Variants in GRAP2 observed in about 807,000 individuals in gnomAD.
GRAP2 encodes the protein GRB2-related adapter protein 2.
A neutral mutation model predicts 43.5 loss-of-function variants in GRAP2; 31 were observed. The ratio of observed to expected loss-of-function variants is 0.71; its 90% CI spans 0.54 to 0.96. The LOEUF is 0.96. Among genes scored for constraint, GRAP2 ranks in the 40% least tolerant of loss-of-function variants. The pLI is 0.00. For missense variants in GRAP2, 371 were observed against 424.4 expected (o/e 0.87, Z 1.11); for synonymous variants, 156 against 164.8 (o/e 0.95, Z 0.41).
At chr22:39,962,747 T>G (rs2067132754) in intron 4 of GRAP2, among the ~76,000 whole-genome samples, 1 of 152,024 alleles carries the variant, frequency 6.6e-6, no homozygotes, top group African/African-American at 2.4e-5. Context: ...AACCTCCGCC[T>G]CCCAGGTTCA....
chr22:39,949,337 C>T (rs2066957614), intron 2 of GRAP2, among the ~76,000 whole-genome samples: 1 of 152,186 alleles, frequency 6.6e-6, no homozygotes, highest in Admixed American at 6.5e-5. Context: ...GGTTTGCAGG[C>T]ATGATTTCAT....
At chr22:39,938,376 C>T (rs2066829154) in intron 1 of GRAP2, among the ~76,000 whole-genome samples, 2 of 152,214 alleles carry the variant, frequency 1.3e-5, no homozygotes. Context: ...GTCCATACGT[C>T]TGAAAAATAC....
At chr22:39,937,979 A>C (rs1480573163) in intron 1 of GRAP2, among the ~76,000 whole-genome samples, 1 of 152,226 alleles carries the variant, frequency 6.6e-6, no homozygotes, top group Non-Finnish European at 1.5e-5. Flanking sequence ...TGCGTCTTGC[A>C]CTAAAAAAAA....
chr22:39,913,500 C>T (rs939228767), intron 1 of GRAP2, among the ~76,000 whole-genome samples: 4 of 152,140 alleles, frequency 2.6e-5, no homozygotes, highest in African/African-American at 7.2e-5. Flanking sequence ...CAGGCATGAC[C>T]GATGCTGAGT....
chr22:39,936,706 GAGAC>G (rs898107982), intron 1 of GRAP2, among the ~76,000 whole-genome samples: 17 of 152,022 alleles, frequency 1.1e-4, no homozygotes, highest in Non-Finnish European at 7.4e-5. Flanking sequence ...GGAAGAGAGA[GAGAC>G]AGGGTGGTGG....
Position 39,938,111 on chromosome 22 carries a change from G to A in GRAP2, c.-14-8982G>A, listed in dbSNP as rs150798700. On this transcript the variant is annotated intron_variant, in intron 1 of 7. Coordinates refer to ENST00000344138, the MANE Select transcript of GRAP2 (RefSeq NM_004810.4). ...ATCACCCAAGTTACAGGCAGGGGAG[G>A]GGATAGGCCCTGCATGGGGACAGTC... Among the ~76,000 whole-genome samples, 358 of 152,300 alleles carry A rather than the reference G, an allele frequency of 2.4e-3. 3 individuals carry two copies. The highest frequency in any genetic ancestry group is 8.1e-3 in the South Asian group (39 of 4,832).
rs542496913 is a variant in GRAP2 at position 39,931,779 on chromosome 22, G to A, written c.-14-15314G>A. ...AAGATTTCTGCTTTACCACAAATAC[G>A]GACTTCAAGAAAAATTCCCTTATAA... On this transcript the variant is annotated intron_variant, in intron 1 of 7. Transcript: ENST00000344138. Among the ~76,000 whole-genome samples the A allele has an allele frequency of 6.6e-5, 10 of 152,188 alleles. No individual in the cohort carries two copies. In the South Asian group the frequency reaches 2.1e-3, roughly 32 times the overall value.
intron 1 of GRAP2, chr22:39,926,769 A>T: frequency 1.5e-5 from 15 of 985,232 alleles, no homozygotes; most frequent in Non-Finnish European, 1.8e-5. Context: ...GCTTTGCCTG[A>T]TAGAGAGACA....
At chr22:39,945,632 T>C (rs1474691304) in intron 1 of GRAP2, among the ~76,000 whole-genome samples, 1 of 152,202 alleles carries the variant, frequency 6.6e-6, no homozygotes, top group Non-Finnish European at 1.5e-5. Context: ...TTCAAGATTG[T>C]CCTGACAGTT....
chr22:39,960,023 C>T lies in GRAP2; in HGVS notation c.171-32C>T, dbSNP rs535899337. The T allele has an allele frequency of 3.9e-5, 63 of 1,611,406 alleles. 1 individual carries two copies. In the South Asian group the frequency reaches 6.2e-4, roughly 16 times the overall value. On this transcript the variant is annotated intron_variant, in intron 3 of 7. Transcript: ENST00000344138. Reference sequence around the variant, plus strand: ...CCCTCTTGTCACTCCTGTGTCTCATCCTGATCCTTTTGTTTGATCTCGCCC... The same window carrying T: ...CCCTCTTGTCACTCCTGTGTCTCATTCTGATCCTTTTGTTTGATCTCGCCC...
intron 1 of GRAP2, among the ~76,000 whole-genome samples, chr22:39,940,027 C>T (rs527571751): frequency 1.3e-5 from 2 of 152,306 alleles, no homozygotes; most frequent in African/African-American, 4.8e-5. Context: ...TTGGTTGTAG[C>T]TGCCATGATT....
chr22:39,929,324 G>A (rs1415057989), intron 1 of GRAP2, among the ~76,000 whole-genome samples: 7 of 152,174 alleles, frequency 4.6e-5, no homozygotes, highest in Non-Finnish European at 1.0e-4. Context: ...TGAAAAAGGA[G>A]TGTTCATCTT....
intron 1 of GRAP2, among the ~76,000 whole-genome samples, chr22:39,902,535 A>C (rs781346421): frequency 2.0e-5 from 3 of 152,150 alleles, no homozygotes; most frequent in African/African-American, 7.2e-5. Context: ...TGTAAAAGAG[A>C]GGTGGCCCTA....
rs185628760 is a variant in GRAP2 at position 39,903,089 on chromosome 22, A to G, written c.-15+1759A>G. On this transcript the variant is annotated intron_variant, in intron 1 of 7. Transcript: ENST00000344138. ...AGGGTTCATGCCTAAGCTTGAGTAGAACTTGCCCTTTTTTCCTGGGTCAAG... is the reference window on the plus strand; with the variant it reads ...AGGGTTCATGCCTAAGCTTGAGTAGGACTTGCCCTTTTTTCCTGGGTCAAG... Among the ~76,000 whole-genome samples, 89 of 152,302 alleles carry G rather than the reference A, an allele frequency of 5.8e-4. No individual in the cohort carries two copies. In the East Asian group the frequency reaches 0.016, roughly 28 times the overall value.
At chr22:39,899,395 C>G (rs1315896895), upstream of GRAP2, among the ~76,000 whole-genome samples, 1 of 152,144 alleles carries the variant, frequency 6.6e-6, no homozygotes, top group Non-Finnish European at 1.5e-5. Context: ...ACTCCTTTAA[C>G]CATTTCAAAA....
chr22:39,921,589 A>T (rs2066652871), intron 1 of GRAP2, among the ~76,000 whole-genome samples: 1 of 152,200 alleles, frequency 6.6e-6, no homozygotes, highest in African/African-American at 2.4e-5. Context: ...TTTTATTAAA[A>T]ACCATTATTA....
chr22:39,964,677 C>A, intron 4 of GRAP2: 2 of 489,654 alleles, frequency 4.1e-6, no homozygotes, highest in South Asian at 5.6e-5. Context: ...AATTAAGTGT[C>A]GTCTTGGAGC....
intron 1 of GRAP2, among the ~76,000 whole-genome samples, chr22:39,937,011 G>A (rs571377905): frequency 2.7e-4 from 41 of 152,326 alleles, no homozygotes; most frequent in Admixed American, 2.0e-3. Flanking sequence ...TATGTTGCTC[G>A]TAGCAGGAGA....
At chr22:39,901,926 G>A (rs986060022) in intron 1 of GRAP2, among the ~76,000 whole-genome samples, 1 of 152,240 alleles carries the variant, frequency 6.6e-6, no homozygotes, top group Non-Finnish European at 1.5e-5. Flanking sequence ...TAGGCGTCCA[G>A]TCTGAAGATA....
Sources: allele counts gnomAD v4.1 joint callset (sites outside exome capture counted in the v4.1 genomes callset), GRCh38; gene constraint gnomAD v4.1.1; transcripts MANE v1.5; gene names NCBI Gene and HGNC (gene_info 2026-07-23, HGNC 2026-07-21).